Variants in MTMR1 observed in about 807,000 individuals in gnomAD.
MTMR1 encodes the protein myotubularin related protein 1.
A neutral mutation model predicts 51.6 loss-of-function variants in MTMR1; 17 were observed. The observed-to-expected ratio is 0.33, with a 90% confidence interval of 0.23 to 0.49. The LOEUF (loss-of-function observed/expected upper bound fraction) is 0.49, where lower values mean the gene tolerates loss of function less well. Among genes scored for constraint, MTMR1 ranks in the 20% least tolerant of loss-of-function variants. The pLI, the probability that MTMR1 is intolerant of heterozygous loss-of-function variation, is 0.99. For missense variants in MTMR1, 386 were observed against 526.9 expected (o/e 0.73, Z 2.62); for synonymous variants, 201 against 205.6 (o/e 0.98, Z 0.19).
chrX:150,702,027 C>G (rs2040926636), intron 2 of MTMR1, among the ~76,000 whole-genome samples: 1 of 110,920 alleles, frequency 9.0e-6, no homozygotes, highest in Admixed American at 9.6e-5. Context: ...TGTCCCACCC[C>G]CATTCCCATC....
At chrX:150,742,872 G>A (rs782523987) in intron 12 of MTMR1, among the ~76,000 whole-genome samples, 43 of 105,693 alleles carry the variant, frequency 4.1e-4, no homozygotes, top group African/African-American at 1.5e-3. Context: ...AGCAAAATAA[G>A]CTAGCCACAA....
intron 4 of MTMR1, 62 bp downstream of exon 4, chrX:150,718,762 C>G: frequency 9.2e-7 from 1 of 1,092,166 alleles, no homozygotes; most frequent in Non-Finnish European, 1.2e-6. Flanking sequence ...ACTTAATTTG[C>G]AAGTGGAGGT....
rs781996478 is a variant in MTMR1, at chrX:150,735,781, C to T, written c.1081-814C>T. On this transcript the variant is annotated intron_variant, in intron 10 of 15. Coordinates refer to ENST00000445323, the MANE Select transcript of MTMR1 (RefSeq NM_001306144.3). Reference sequence around the variant, plus strand: ...AACACACCATTTTTTGTGGTGAGAACACTTAAAATCTACTCTCAGCAGTTT... The same window carrying T: ...AACACACCATTTTTTGTGGTGAGAATACTTAAAATCTACTCTCAGCAGTTT... 3.0e-5 allele frequency: 8 copies of T among 270,267 alleles called. No homozygotes were observed. In the South Asian group the frequency reaches 1.0e-3, roughly 35 times the overall value. 22.3% of individuals were successfully genotyped at this position (270,267 alleles called of 1,213,427 possible).
chrX:150,731,030 A>T (rs974462620), intron 8 of MTMR1, among the ~76,000 whole-genome samples: 20 of 111,737 alleles, frequency 1.8e-4, no homozygotes, highest in Non-Finnish European at 2.6e-4. Flanking sequence ...AAATTATTCC[A>T]CTAAGATCTT....
intron 10 of MTMR1, among the ~76,000 whole-genome samples, chrX:150,734,425 A>G (rs2042205994): frequency 8.9e-6 from 1 of 112,746 alleles, no homozygotes; most frequent in African/African-American, 3.2e-5. Context: ...TTTTCAGCCT[A>G]CCATAGGGAG....
At chrX:150,702,691 T>G (rs1371028456) in intron 2 of MTMR1, among the ~76,000 whole-genome samples, 4 of 111,820 alleles carry the variant, frequency 3.6e-5, no homozygotes. Flanking sequence ...ATTTAGTAGA[T>G]GTTATGGCTT....
rs782153777 is a variant in MTMR1 at position 150,705,473 on chromosome X, A to G, written c.252+6173A>G. Among the ~76,000 whole-genome samples, 6 of 112,545 alleles carry G rather than the reference A, an allele frequency of 5.3e-5. No homozygotes were observed. In the South Asian group the frequency reaches 1.8e-3, roughly 34 times the overall value. On this transcript the variant is annotated intron_variant, in intron 2 of 15. Transcript: ENST00000445323. ...CAAAGAAAAAAATATTGAAAGTAGGAAGAGAAATAACACTTTACCTATAAG... is the reference window on the plus strand; with the variant it reads ...CAAAGAAAAAAATATTGAAAGTAGGGAGAGAAATAACACTTTACCTATAAG...
chrX:150,707,324 C>T (rs1557416094), intron 2 of MTMR1, among the ~76,000 whole-genome samples: 1 of 111,669 alleles, frequency 9.0e-6, no homozygotes, highest in Non-Finnish European at 1.9e-5. Context: ...AAAATATTTG[C>T]ACACCTCATA....
In MTMR1 at chrX:150,749,221, A is replaced by T. The variant is rs148614617; in HGVS notation, c.1567-1509A>T. ...GAAAACAGTTTCAGGTGGAGTTTGG[A>T]CAGTCCTGGATTGACCATTGTTCTA... On this transcript the variant is annotated intron_variant, in intron 13 of 15. Transcript: ENST00000445323. Among the ~76,000 whole-genome samples the T allele has an allele frequency of 9.2e-3, 1,029 of 112,230 alleles. 10 individuals carry two copies. The highest frequency in any genetic ancestry group is 0.03 in the African/African-American group (941 of 30,911).
intron 2 of MTMR1, among the ~76,000 whole-genome samples, chrX:150,711,722 G>A (rs191989822): frequency 8.9e-6 from 1 of 112,495 alleles, no homozygotes; most frequent in African/African-American, 3.2e-5. Context: ...CCATGCAGCT[G>A]GTGCTGGGGC....
Position 150,760,452 on chromosome X carries a change from G to C in MTMR1, c.1858-2113G>C, listed in dbSNP as rs782412332. On this transcript the variant is annotated intron_variant, in intron 15 of 15. Coordinates refer to ENST00000445323, the MANE Select transcript of MTMR1 (RefSeq NM_001306144.3). ...ATCCATCAGAGGATGGCTGGGTGTGGAAGGCCCAGGGGCGTCCTATTTCCT... is the reference window on the plus strand; with the variant it reads ...ATCCATCAGAGGATGGCTGGGTGTGCAAGGCCCAGGGGCGTCCTATTTCCT... 1.5e-3 allele frequency among the ~76,000 whole-genome samples: 170 copies of C among 111,889 alleles called. 1 individual carries two copies. The highest frequency in any genetic ancestry group is 1.5e-3 in the Non-Finnish European group (77 of 53,100).
rs1385081414 is a variant in MTMR1 at position 150,764,231 on chromosome X, TAG to T, written c.*1510_*1511del. ...TGAAAATATGTTAAGGGTTTTTTCG[TAG>T]AGAGAGAAAGAATGGATTTTTTTTT... On this transcript the variant is annotated 3_prime_UTR_variant, in exon 16 of 16. Transcript: ENST00000445323. The T allele has an allele frequency of 2.7e-5, 3 of 110,920 alleles. No individual in the cohort carries two copies. The highest frequency in any genetic ancestry group is 9.9e-5 in the African/African-American group (3 of 30,385). 9.1% of individuals were successfully genotyped at this position (110,920 alleles called of 1,213,427 possible).
chrX:150,729,568 G>T, intron 6 of MTMR1, among the ~76,000 whole-genome samples: 1 of 111,960 alleles, frequency 8.9e-6, no homozygotes. Context: ...CAATTCAAAA[G>T]ATACAAAAGC....
At chrX:150,745,139 T>C (rs1557417424) in intron 13 of MTMR1, among the ~76,000 whole-genome samples, 1 of 112,033 alleles carries the variant, frequency 8.9e-6, no homozygotes, top group African/African-American at 3.2e-5. Context: ...ATCTCCAACA[T>C]CTAAACCTGA....
intron 4 of MTMR1, among the ~76,000 whole-genome samples, chrX:150,719,992 G>A (rs1557416540): frequency 8.9e-6 from 1 of 111,784 alleles, no homozygotes; most frequent in East Asian, 2.8e-4. Flanking sequence ...CGAATTATTG[G>A]AAATATCTTA....
At position 150,762,818 on chromosome X, in the gene MTMR1, T is replaced by C; in HGVS notation, c.*89T>C. The C allele has an allele frequency of 4.0e-6, 4 of 1,008,804 alleles. No individual in the cohort carries two copies. In the South Asian group the frequency reaches 1.1e-4, roughly 27 times the overall value. The allele number at this position is 1,008,804 out of a possible 1,213,427, so 83.1% of individuals were successfully genotyped here. On this transcript the variant is annotated 3_prime_UTR_variant, in exon 16 of 16. Transcript: ENST00000445323. Reference sequence around the variant, plus strand: ...CTGTTATGGCTGTAGCTTGTGATCTTGTCTTTTAGGATTAGGCCCAGGGAC... The same window carrying C: ...CTGTTATGGCTGTAGCTTGTGATCTCGTCTTTTAGGATTAGGCCCAGGGAC...
intron 4 of MTMR1, among the ~76,000 whole-genome samples, chrX:150,724,917 A>G (rs889953567): frequency 9.0e-6 from 1 of 111,573 alleles, no homozygotes; most frequent in Non-Finnish European, 1.9e-5. Flanking sequence ...TGGGCGCTCT[A>G]TTCTGTTCCA....
In MTMR1 at chrX:150,719,264, G is replaced by A. The variant is rs559826316; in HGVS notation, c.352+564G>A. 4.5e-5 allele frequency among the ~76,000 whole-genome samples: 5 copies of A among 111,336 alleles called. No homozygotes were observed. In the East Asian group the frequency reaches 1.4e-3, roughly 32 times the overall value. On this transcript the variant is annotated intron_variant, in intron 4 of 15. Coordinates refer to ENST00000445323, the MANE Select transcript of MTMR1 (RefSeq NM_001306144.3). The stretch of plus-strand genomic sequence containing the variant: ...TGGGAGGGGCAGCTGGATGCGATCC[G>A]TTCATCTCATCACTTGGTTGGGTTG...
At chrX:150,730,265 C>T (rs782693465) in intron 7 of MTMR1, 55 bp downstream of exon 7, 17 of 852,746 alleles carry the variant, frequency 2.0e-5, no homozygotes, top group Middle Eastern at 2.9e-4. Context: ...TCCAAATATC[C>T]TATGTTTAAT....
Sources: allele counts gnomAD v4.1 joint callset (sites outside exome capture counted in the v4.1 genomes callset), GRCh38; gene constraint gnomAD v4.1.1; transcripts MANE v1.5; gene names NCBI Gene and HGNC (gene_info 2026-07-23, HGNC 2026-07-21).